NBAS: variants seen among roughly 807,000 people sequenced by gnomAD.
The protein encoded by NBAS is NBAS subunit of NRZ tethering complex.
Under a neutral mutation model 302.5 loss-of-function variants are expected in NBAS, and 219 were observed. The observed-to-expected ratio is 0.72, with a 90% confidence interval of 0.65 to 0.81. The LOEUF (loss-of-function observed/expected upper bound fraction) is 0.81. NBAS is among the 30% of genes least tolerant of loss of function. NBAS has a pLI of 0.00. For missense variants in NBAS, 2,932 were observed against 2,841.6 expected, an observed-to-expected ratio of 1.03 and a Z score of -0.72; for synonymous variants, 1,118 against 1,021.6, an observed-to-expected ratio of 1.09 and a Z score of -1.80.
chr2:15,440,405 G>T (rs1678311430), intron 21 of NBAS, among the ~76,000 whole-genome samples: 1 of 152,164 alleles, frequency 6.6e-6, no homozygotes, highest in African/African-American at 2.4e-5. Flanking sequence ...ACAGGGTCTG[G>T]AGTGGACCTC....
intron 44 of NBAS, among the ~76,000 whole-genome samples, chr2:15,256,461 T>C (rs1049130045): frequency 2.6e-5 from 4 of 152,118 alleles, no homozygotes; most frequent in Admixed American, 2.6e-4. Flanking sequence ...GTCGTTAGGG[T>C]TTTCAAGGTA....
intron 38 of NBAS, among the ~76,000 whole-genome samples, chr2:15,309,793 A>G (rs550870350): frequency 4.3e-4 from 66 of 152,328 alleles, no homozygotes; most frequent in African/African-American, 1.1e-3. Context: ...AAAATATCCC[A>G]ACCATTAAAA....
At chr2:15,009,709 T>TATATATATATAC in the NBAS span, among the ~76,000 whole-genome samples, 1 of 148,458 alleles carries the variant, frequency 6.7e-6, no homozygotes, top group Non-Finnish European at 1.5e-5. Context: ...TATATATATA[T>TATATATATATAC]ATATATATAT....
At chr2:15,326,816 G>A (rs964025132) in intron 38 of NBAS, among the ~76,000 whole-genome samples, 1 of 152,132 alleles carries the variant, frequency 6.6e-6, no homozygotes, top group African/African-American at 2.4e-5. Flanking sequence ...TAGTGTTCAA[G>A]GGACCCGCAC....
the NBAS span, among the ~76,000 whole-genome samples, chr2:15,085,703 C>G: frequency 1.9e-4 from 29 of 152,302 alleles, no homozygotes; most frequent in African/African-American, 7.0e-4. Flanking sequence ...CGAAGGCCCC[C>G]CATGCTCTTG....
the NBAS span, among the ~76,000 whole-genome samples, chr2:14,782,741 C>T: frequency 1.3e-5 from 2 of 151,988 alleles, no homozygotes; most frequent in Non-Finnish European, 2.9e-5. Flanking sequence ...ATAAAGAAAA[C>T]ATGGTACATA....
chr2:15,309,474 AAAT>A (rs1671182623), intron 38 of NBAS, among the ~76,000 whole-genome samples: 1 of 152,168 alleles, frequency 6.6e-6, no homozygotes, highest in Non-Finnish European at 1.5e-5. Flanking sequence ...ACACATGAGG[AAAT>A]TCTGTCAGGG....
the NBAS span, among the ~76,000 whole-genome samples, chr2:14,781,165 C>T: frequency 3.3e-4 from 51 of 152,308 alleles, 1 homozygote; most frequent in African/African-American, 1.2e-3. Flanking sequence ...AGTTAGAAGA[C>T]GTATTTTAAA....
rs1661733060 is a variant in NBAS at position 15,504,196 on chromosome 2, T to A, written c.903A>T (p.Gly301=). The A allele has an allele frequency of 1.2e-6, 2 of 1,612,942 alleles. No homozygotes were observed. The highest frequency in any genetic ancestry group is 4.5e-5 in the East Asian group (2 of 44,828). ...ACTTGACACTTAACATCCTTAATAA[T>A]CCCAGTGTCTTCGGTACCTGCAAAA... ...DGVTAVPKTL[G]LLRMLSVKFY... Residue 301 remains glycine (G), a synonymous_variant, in exon 11 of 52, where the codon GGA becomes GGT. Coordinates refer to ENST00000281513, the MANE Select transcript of NBAS (RefSeq NM_015909.4).
At chr2:15,486,185 C>T (rs1318132716) in intron 12 of NBAS, among the ~76,000 whole-genome samples, 1 of 152,188 alleles carries the variant, frequency 6.6e-6, no homozygotes, top group Non-Finnish European at 1.5e-5. Context: ...CAGCAAAGGA[C>T]ACCACGACTC....
At chr2:15,228,147 A>C (rs967864441) in intron 47 of NBAS, among the ~76,000 whole-genome samples, 1 of 152,206 alleles carries the variant, frequency 6.6e-6, no homozygotes, top group African/African-American at 2.4e-5. Context: ...AATAGCAAAA[A>C]TATAAATAAT....
intron 11 of NBAS, among the ~76,000 whole-genome samples, chr2:15,500,540 A>ACACAC (rs1553326777): frequency 1.3e-5 from 2 of 150,422 alleles, no homozygotes; most frequent in African/African-American, 2.4e-5. Flanking sequence ...ACACACACAC[A>ACACAC]AAATTAGAAA....
chr2:14,981,938 C>T, the NBAS span, among the ~76,000 whole-genome samples: 3 of 152,214 alleles, frequency 2.0e-5, no homozygotes, highest in South Asian at 2.1e-4. Flanking sequence ...TACTGCTCCT[C>T]ACATCAAAAG....
chr2:15,147,508 G>A, the NBAS span, among the ~76,000 whole-genome samples: 1,376 of 152,164 alleles, frequency 9.0e-3, 15 homozygotes, highest in African/African-American at 0.018. Flanking sequence ...CAGGAGAATC[G>A]CTTGAATCCG....
At chr2:14,903,868 C>T in the NBAS span, among the ~76,000 whole-genome samples, 3 of 151,810 alleles carry the variant, frequency 2.0e-5, no homozygotes, top group East Asian at 5.8e-4. Flanking sequence ...GGATGTTAGA[C>T]ACAGCAGGGC....
At chr2:14,783,960 C>A in the NBAS span, among the ~76,000 whole-genome samples, 13 of 151,860 alleles carry the variant, frequency 8.6e-5, no homozygotes, top group Non-Finnish European at 1.8e-4. Flanking sequence ...GTTCCTATTT[C>A]TCCACATCCT....
chr2:15,561,294 G>C lies in NBAS; in HGVS notation c.11C>G (p.Pro4Arg). The C allele has an allele frequency of 2.5e-6, 4 of 1,613,144 alleles. No homozygotes were observed. The highest frequency in any genetic ancestry group is 3.4e-6 in the Non-Finnish European group (4 of 1,179,992). ...TGGACTCAAAGCCGGCCCTGACTCG[G>C]GGGCCGCCATGTTCGCCGAGGACTC... MAA[P>R]ESGPALSPGT... Residue 4 changes from proline (P) to arginine (R), a missense_variant, in exon 1 of 52, where the codon CCC (proline) becomes CGC (arginine). Physicochemically the swap from Pro to Arg is moderately radical, Grantham distance 103 (BLOSUM62 -2). Coordinates refer to ENST00000281513, the MANE Select transcript of NBAS (RefSeq NM_015909.4).
chr2:15,167,851 A>G (rs1664105773), intron 51 of NBAS, among the ~76,000 whole-genome samples: 1 of 152,180 alleles, frequency 6.6e-6, no homozygotes, highest in African/African-American at 2.4e-5. Context: ...CACATGAAAA[A>G]AATTTTTTTG....
chr2:15,344,771 C>A (rs1044750500), intron 35 of NBAS, among the ~76,000 whole-genome samples: 3 of 152,172 alleles, frequency 2.0e-5, no homozygotes, highest in African/African-American at 7.2e-5. Context: ...CAATAAAACA[C>A]TGGCAAACCG....
Sources: gnomAD v4.1 joint callset for allele counts (sites outside exome capture counted in the v4.1 genomes callset) on GRCh38, gnomAD v4.1.1 for gene constraint, MANE v1.5 for transcripts, NCBI Gene and HGNC (gene_info 2026-07-23, HGNC 2026-07-21) for gene names.